Variants in ATCAY observed in about 807,000 individuals in gnomAD.
ATCAY encodes caytaxin.
A neutral mutation model predicts 47.7 loss-of-function variants in ATCAY; 22 were observed. The ratio of observed to expected loss-of-function variants is 0.46; its 90% confidence interval spans 0.33 to 0.66. The LOEUF (loss-of-function observed/expected upper bound fraction) is 0.66. Among genes scored for constraint, ATCAY ranks in the 30% least tolerant of loss-of-function variants. The pLI, the probability that ATCAY is intolerant of heterozygous loss-of-function variation, is 0.02. For synonymous variants in ATCAY, 216 were observed against 207.6 expected, an observed-to-expected ratio of 1.04 and a Z score of -0.35; for missense variants, 452 against 515.0, an observed-to-expected ratio of 0.88 and a Z score of 1.18.
chr19:3,895,721 T>C (rs185494708), intron 2 of ATCAY, among the ~76,000 whole-genome samples: 1,596 of 148,220 alleles, frequency 0.011, 32 homozygotes, highest in African/African-American at 0.037. Context: ...CTTTTCTTTT[T>C]TTTTTTTTTT....
At chr19:3,891,522 G>C (rs935891880) in intron 2 of ATCAY, among the ~76,000 whole-genome samples, 7 of 151,942 alleles carry the variant, frequency 4.6e-5, no homozygotes, top group African/African-American at 1.7e-4. Context: ...GTGGCAGCTG[G>C]GTTCATGGCA....
chr19:3,888,764 G>A (rs1326977913), intron 2 of ATCAY, among the ~76,000 whole-genome samples: 7 of 151,916 alleles, frequency 4.6e-5, no homozygotes, highest in Non-Finnish European at 1.0e-4. Flanking sequence ...TGAAGTAATC[G>A]GTCTCCTTCA....
rs11309347 is a variant in ATCAY at position 3,907,131 on chromosome 19, CA to C, written c.359-591del. On this transcript the variant is annotated intron_variant, in intron 4 of 12. Coordinates refer to ENST00000450849, the MANE Select transcript of ATCAY (RefSeq NM_033064.5). This position sits in a 1 kb window ranked among gnomAD's most constrained non-coding sequence, Gnocchi z 5.1. ...CCTGGGCGATGGAACAAGACTCTCTCAAAAAAAAAAAAGAAAGAAAAAAAAA... is the reference window on the plus strand; with the variant it reads ...CCTGGGCGATGGAACAAGACTCTCTCAAAAAAAAAAAGAAAGAAAAAAAAA... Among the ~76,000 whole-genome samples, 57,318 of 135,348 alleles carry C rather than the reference CA, an allele frequency of 0.42. 12,193 individuals carry two copies. The highest frequency in any genetic ancestry group is 0.6 in the South Asian group (2,581 of 4,290). 88.8% of individuals were successfully genotyped at this position (135,348 alleles called of 152,430 possible).
intron 12 of ATCAY, among the ~76,000 whole-genome samples, chr19:3,922,918 G>T (rs1271265420): frequency 6.6e-6 from 1 of 151,948 alleles, no homozygotes; most frequent in Non-Finnish European, 1.5e-5. Context: ...CTAATTTTTT[G>T]TATTTTTTAG....
chr19:3,889,308 G>A (rs1465646272), intron 2 of ATCAY, among the ~76,000 whole-genome samples: 2 of 152,214 alleles, frequency 1.3e-5, no homozygotes, highest in African/African-American at 4.8e-5. Context: ...AGCTACTCGG[G>A]AAGCTGAGGA....
At chr19:3,911,818 T>G (rs959299105) in intron 8 of ATCAY, among the ~76,000 whole-genome samples, 1 of 152,158 alleles carries the variant, frequency 6.6e-6, no homozygotes, top group Non-Finnish European at 1.5e-5. Flanking sequence ...AGACGAGGGC[T>G]TCACTTTCCC....
At chr19:3,885,686 T>G (rs2038644281) in intron 1 of ATCAY, 41 bp from the exon 2 acceptor site, 1 of 1,205,660 alleles carries the variant, frequency 8.3e-7, no homozygotes, top group African/African-American at 1.5e-5. Context: ...TCATTAGGAC[T>G]ATTGTCCAGT....
At chr19:3,881,867 C>CA (rs944093776) in intron 1 of ATCAY, among the ~76,000 whole-genome samples, 5 of 109,474 alleles carry the variant, frequency 4.6e-5, no homozygotes, top group African/African-American at 2.7e-4. Flanking sequence ...GCTGCCACCG[C>CA]CCCCCCCCCG....
chr19:3,902,751 G>C (rs1599285783), intron 3 of ATCAY, among the ~76,000 whole-genome samples: 1 of 152,156 alleles, frequency 6.6e-6, no homozygotes, highest in East Asian at 1.9e-4. Context: ...CTGTGTTGCT[G>C]TGTGTCCCTG....
rs557406608 is a variant in ATCAY at position 3,926,000 on chromosome 19, C to G, written c.*1408C>G. On this transcript the variant is annotated 3_prime_UTR_variant, in exon 13 of 13. Coordinates refer to ENST00000450849, the MANE Select transcript of ATCAY (RefSeq NM_033064.5). The surrounding 1 kb of genome is among the most constrained non-coding windows in gnomAD (Gnocchi z 4.4). Reference sequence around the variant, plus strand: ...CCAGCCTGGGCGACAGAGCAAGACTCTGTCTCAAAAAAAATAAAAAATAAT... The same window carrying G: ...CCAGCCTGGGCGACAGAGCAAGACTGTGTCTCAAAAAAAATAAAAAATAAT... The G allele has an allele frequency of 6.7e-6, 1 of 148,584 alleles. No individual in the cohort carries two copies. Among genetic ancestry groups the G allele is most frequent in the East Asian group, 2.0e-4 (1 of 4,940 alleles). 9.2% of individuals were successfully genotyped at this position (148,584 alleles called of 1,614,324 possible).
intron 9 of ATCAY, among the ~76,000 whole-genome samples, chr19:3,916,815 G>GTT (rs879364855): frequency 9.7e-5 from 14 of 144,328 alleles, no homozygotes; most frequent in Admixed American, 2.1e-4. Context: ...GGTTTTTCTG[G>GTT]TTTTTTTTTT....
chr19:3,921,119 C>G (rs2039015124), intron 12 of ATCAY, among the ~76,000 whole-genome samples: 2 of 152,166 alleles, frequency 1.3e-5, no homozygotes, highest in Admixed American at 1.3e-4. Context: ...AAAACCCACA[C>G]AGAGCCAAGC....
At chr19:3,916,935 A>G (rs2038971314) in intron 9 of ATCAY, among the ~76,000 whole-genome samples, 1 of 151,254 alleles carries the variant, frequency 6.6e-6, no homozygotes, top group Middle Eastern at 3.2e-3. Flanking sequence ...AGCCTCCCGA[A>G]TAGCTGGGAT....
intron 7 of ATCAY, 96 bp from the exon 8 acceptor site, chr19:3,910,707 C>T (rs1031294020): frequency 5.6e-6 from 7 of 1,243,066 alleles, no homozygotes; most frequent in African/African-American, 1.5e-5. Context: ...AGCAGAGTGA[C>T]GAATGCTTGC....
At chr19:3,914,335 G>A (rs565293362) in intron 9 of ATCAY, among the ~76,000 whole-genome samples, 1 of 151,650 alleles carries the variant, frequency 6.6e-6, no homozygotes, top group Admixed American at 6.6e-5. Context: ...CATGGCGGCA[G>A]AGAAGAGAAG....
chr19:3,908,309 G>C lies in ATCAY; in HGVS notation c.586G>C (p.Ala196Pro). 6.3e-7 allele frequency: 1 copy of C among 1,592,026 alleles called. No homozygotes were observed. Among genetic ancestry groups the C allele is most frequent in the East Asian group, 2.3e-5 (1 of 43,832 alleles). Residue 196 changes from alanine (A) to proline (P), a missense_variant, in exon 6 of 13, where the codon GCC becomes CCC. By Grantham distance (27) the Ala-to-Pro change is conservative. Coordinates refer to ENST00000450849, the MANE Select transcript of ATCAY (RefSeq NM_033064.5). ...EGLNAIIVFAACFLPDSSLPD... is the reference protein window; with the variant it reads ...EGLNAIIVFAPCFLPDSSLPD... ...CCTCAACGCCATCATCGTCTTCGCA[G>C]CCTGCTTCCTTCCAGACAGCAGCCT...
At position 3,917,743 on chromosome 19, in the gene ATCAY, T is replaced by TACG; in HGVS notation, c.969_971dup (p.Tyr323_Glu324insAsp). ...CTGACATCTTTTTCTTTCTTTCAGA[T>TACG]ACGAAGAGGAAAGACTGAAGGCCAG... On this transcript the variant is annotated inframe_insertion and splice_region_variant, in exon 10 of 13. Transcript: ENST00000450849. The TACG allele has an allele frequency of 6.2e-7, 1 of 1,613,258 alleles. No individual in the cohort carries two copies. The highest frequency in any genetic ancestry group is 8.5e-7 in the Non-Finnish European group (1 of 1,179,588).
chr19:3,910,898 G>A lies in ATCAY; in HGVS notation c.866+9G>A. 1 of 1,613,946 alleles carries A rather than the reference G, an allele frequency of 6.2e-7. No homozygotes were observed. Among genetic ancestry groups the A allele is most frequent in the Non-Finnish European group, 8.5e-7 (1 of 1,179,858 alleles). ...TCTCGCCCTTTCATCAGGTGAGACGGGGAGGCTGCAACCCAAGTCCAGTGG... is the reference window on the plus strand; with the variant it reads ...TCTCGCCCTTTCATCAGGTGAGACGAGGAGGCTGCAACCCAAGTCCAGTGG... On this transcript the variant is annotated intron_variant, in intron 8 of 12. Transcript: ENST00000450849.
chr19:3,908,005 A>C, intron 5 of ATCAY, 86 bp downstream of exon 5: 1 of 1,483,284 alleles, frequency 6.7e-7, no homozygotes, highest in South Asian at 1.2e-5. Context: ...TCTCTGATGC[A>C]CGGGGATGTT....
Sources: gnomAD v4.1 joint callset for allele counts (sites outside exome capture counted in the v4.1 genomes callset) on GRCh38, gnomAD v4.1.1 for gene constraint, Gnocchi (gnomAD v3.1) non-coding constraint, MANE v1.5 for transcripts, NCBI Gene and HGNC (gene_info 2026-07-23, HGNC 2026-07-21) for gene names.